The following AMPD3 variants were observed in gnomAD, a reference collection of about 807,000 sequenced individuals.
AMPD3 encodes the protein adenosine monophosphate deaminase 3.
In AMPD3, 57 loss-of-function variants were observed where a neutral mutation model predicts 82.3. The observed-to-expected ratio is 0.69, with a 90% confidence interval of 0.56 to 0.86. The LOEUF (loss-of-function observed/expected upper bound fraction) is 0.86, where lower values mean the gene tolerates loss of function less well. Ranked by LOEUF, AMPD3 falls within the 40% of genes least tolerant of loss-of-function variation. The pLI is 0.00. For synonymous variants in AMPD3, 381 were observed against 394.7 expected, an observed-to-expected ratio of 0.97 and a Z score of 0.41; for missense variants, 870 against 1,003.8, an observed-to-expected ratio of 0.87 and a Z score of 1.80.
chr11:10,482,802 A>G (rs1669828154), intron 4 of AMPD3, among the ~76,000 whole-genome samples: 1 of 152,218 alleles, frequency 6.6e-6, no homozygotes, highest in African/African-American at 2.4e-5. Flanking sequence ...CTGGGATTAT[A>G]GATGTGAGTC....
At chr11:10,493,219 A>T in intron 6 of AMPD3, 130 bp from the exon 7 acceptor site, 1 of 1,067,234 alleles carries the variant, frequency 9.4e-7, no homozygotes, top group Non-Finnish European at 1.4e-6. Context: ...GGTGGGATCC[A>T]GACACTGGTG....
chr11:10,498,895 T>G (rs1046958775), intron 10 of AMPD3, among the ~76,000 whole-genome samples: 4 of 152,344 alleles, frequency 2.6e-5, no homozygotes, highest in African/African-American at 7.2e-5. Context: ...GCATGTGTTC[T>G]TGGTTGGGGA....
At chr11:10,458,471 C>T (rs1182933086) in intron 1 of AMPD3, among the ~76,000 whole-genome samples, 1 of 152,080 alleles carries the variant, frequency 6.6e-6, no homozygotes, top group Non-Finnish European at 1.5e-5. Context: ...CATTCATCAT[C>T]AAAATAAAAT....
chr11:10,501,139 G>A, intron 11 of AMPD3: 17 of 985,388 alleles, frequency 1.7e-5, no homozygotes, highest in Non-Finnish European at 1.9e-5. Flanking sequence ...AGACTCTGTG[G>A]TTTCTCATGG....
At chr11:10,492,324 G>C (rs528376548) in intron 6 of AMPD3, among the ~76,000 whole-genome samples, 1 of 152,366 alleles carries the variant, frequency 6.6e-6, no homozygotes, top group East Asian at 1.9e-4. Flanking sequence ...TGTTGGCTTA[G>C]GGTCAGTAGA....
chr11:10,461,474 T>G (rs1255104390), intron 1 of AMPD3, 41 bp from the exon 2 acceptor site: 1 of 1,613,610 alleles, frequency 6.2e-7, no homozygotes, highest in South Asian at 1.1e-5. Context: ...TGCTGGTGAC[T>G]CAGGGCATCC....
rs79848904 is a variant in AMPD3 at position 10,494,672 on chromosome 11, G to C, written c.1135-227G>C. ...CCGAGCTGTGGTAACTTGCAGGTGG[G>C]GCCTCTGCTGTTCCTTCACAGGGGG... On this transcript the variant is annotated intron_variant, in intron 7 of 14. Coordinates refer to ENST00000396553, the MANE Select transcript of AMPD3 (RefSeq NM_001025389.2). 3.3e-5 allele frequency: 33 copies of C among 985,370 alleles called. No homozygotes were observed. In the East Asian group the frequency reaches 1.0e-3, roughly 31 times the overall value. The allele number at this position is 985,370 out of a possible 1,614,324, so 61.0% of individuals were successfully genotyped here. A position where few individuals can be genotyped will look rare whatever the true frequency, so the allele number is the denominator to read the frequency against.
chr11:10,478,736 G>A lies in AMPD3; in HGVS notation c.426+6G>A, dbSNP rs1326362112. 1 of 1,609,966 alleles carries A rather than the reference G, an allele frequency of 6.2e-7. No homozygotes were observed. Among genetic ancestry groups the A allele is most frequent in the Non-Finnish European group, 8.5e-7 (1 of 1,180,004 alleles). On this transcript the variant is annotated splice_donor_region_variant and intron_variant, in intron 3 of 14. Transcript: ENST00000396553. ...GCGGAGATTACTGTGCCGGGGTAAG[G>A]CGTCTGTGAGAGTGTTGAATGTGCC...
At chr11:10,468,626 A>C (rs1201055588) in intron 2 of AMPD3, among the ~76,000 whole-genome samples, 11 of 152,224 alleles carry the variant, frequency 7.2e-5, no homozygotes, top group Non-Finnish European at 1.6e-4. Flanking sequence ...CAAAATTAAC[A>C]AGGATATTCA....
At chr11:10,478,097 T>A in intron 2 of AMPD3, 1 of 985,420 alleles carries the variant, frequency 1.0e-6, no homozygotes, top group Non-Finnish European at 1.2e-6. Context: ...CTGAGACCGT[T>A]CATATGTTGG....
chr11:10,454,740 C>T (rs1258895385), upstream of AMPD3, among the ~76,000 whole-genome samples: 1 of 152,152 alleles, frequency 6.6e-6, no homozygotes, highest in Non-Finnish European at 1.5e-5. Context: ...CACTGCAGTC[C>T]CCACTCTACC....
intron 5 of AMPD3, chr11:10,486,696 G>A (rs150685092): frequency 1.5e-4 from 148 of 985,448 alleles, no homozygotes; most frequent in Non-Finnish European, 1.7e-4. Flanking sequence ...TGGTTCCTCT[G>A]CAACCCAAGG....
upstream of AMPD3, chr11:10,450,422 T>C (rs974592289): frequency 1.0e-6 from 1 of 985,166 alleles, no homozygotes; most frequent in African/African-American, 1.8e-5. Flanking sequence ...TGCTTGCGGG[T>C]TGCTGCAACT....
At chr11:10,452,180 AGTT>A (rs544672416), upstream of AMPD3, among the ~76,000 whole-genome samples, 768 of 147,088 alleles carry the variant, frequency 5.2e-3, 3 homozygotes, top group Non-Finnish European at 9.1e-3. Context: ...GGTTTTTTGT[AGTT>A]GTTTTTTTTT....
At chr11:10,479,940 C>G in intron 3 of AMPD3, 1 of 985,366 alleles carries the variant, frequency 1.0e-6, no homozygotes, top group Non-Finnish European at 1.2e-6. Flanking sequence ...GCATCCTGAC[C>G]ATGAGTCTTT....
At chr11:10,484,670 A>C in intron 4 of AMPD3, 150 bp from the exon 5 acceptor site, 1 of 1,207,878 alleles carries the variant, frequency 8.3e-7, no homozygotes, top group South Asian at 1.4e-5. Flanking sequence ...CTGACGAGAC[A>C]AAAGGAAGCA....
intron 2 of AMPD3, among the ~76,000 whole-genome samples, chr11:10,466,477 G>A (rs1848425662): frequency 6.6e-6 from 1 of 152,174 alleles, no homozygotes; most frequent in South Asian, 2.1e-4. Context: ...GCTGTGGCCA[G>A]ACTGCCTCTC....
At chr11:10,472,987 G>C (rs1262339922) in intron 2 of AMPD3, among the ~76,000 whole-genome samples, 1 of 152,148 alleles carries the variant, frequency 6.6e-6, no homozygotes, top group Non-Finnish European at 1.5e-5. Context: ...CTGGCTGAGG[G>C]AGGGAGACTC....
chr11:10,455,280 G>C lies in AMPD3; in HGVS notation c.-174G>C. 2.0e-6 allele frequency: 2 copies of C among 985,476 alleles called. No homozygotes were observed. The highest frequency in any genetic ancestry group is 2.4e-6 in the Non-Finnish European group (2 of 829,966). 61.0% of individuals were successfully genotyped at this position (985,476 alleles called of 1,614,324 possible). On this transcript the variant is annotated 5_prime_UTR_variant, in exon 1 of 15. Coordinates refer to ENST00000396553, the MANE Select transcript of AMPD3 (RefSeq NM_001025389.2). ...AGCCTTCCCACTCTCCTAAAGGGCA[G>C]ATGAAGATCAGAGCTTTGCACCCTG... is the stretch of plus-strand genomic sequence containing the variant.
Sources: gnomAD v4.1 joint callset for allele counts (sites outside exome capture counted in the v4.1 genomes callset) on GRCh38, gnomAD v4.1.1 for gene constraint, MANE v1.5 for transcripts, NCBI Gene and HGNC (gene_info 2026-07-23, HGNC 2026-07-21) for gene names.